The following FKBP9 variants were observed in gnomAD, a reference collection of about 807,000 sequenced individuals.
The protein encoded by FKBP9 is FKBP prolyl isomerase 9, also known as peptidyl-prolyl cis-trans isomerase FKBP9.
FKBP9 carries 27 observed loss-of-function variants against 55.6 expected under a neutral mutation model. The observed-to-expected ratio is 0.49, with a 90% CI of 0.36 to 0.67. The LOEUF (loss-of-function observed/expected upper bound fraction) is 0.67. FKBP9 is among the 30% of genes least tolerant of loss of function. FKBP9 has a pLI of 0.00. For synonymous variants in FKBP9, 267 were observed against 296.5 expected (o/e 0.90, Z 1.02); for missense variants, 539 against 742.8 (o/e 0.73, Z 3.19).
chr7:32,993,619 G>A (rs573479476), intron 6 of FKBP9, among the ~76,000 whole-genome samples: 2 of 152,314 alleles, frequency 1.3e-5, no homozygotes, highest in African/African-American at 2.4e-5. Context: ...GAGGTCAGGA[G>A]TTCAAGATCA....
Position 32,988,514 on chromosome 7 carries a change from C to A in FKBP9, c.901C>A (p.Arg301=), listed in dbSNP as rs184579380. The A allele has an allele frequency of 6.2e-6, 10 of 1,613,904 alleles. No homozygotes were observed. The highest frequency in any genetic ancestry group is 8.5e-6 in the Non-Finnish European group (10 of 1,179,830). The part of the protein sequence containing the change: ...DGTLFDSSYS[R]NRTFDTYIGQ... The stretch of plus-strand genomic sequence containing the variant: ...TCCTTTCTTCTTTTCTAGCTACTCT[C>A]GGAACCGCACGTTTGACACGTACAT... The change falls in exon 6 of 10, where the codon CGG becomes AGG. Residue 301 remains arginine (R), a synonymous_variant. Coordinates refer to ENST00000242209, the MANE Select transcript of FKBP9 (RefSeq NM_007270.5).
intron 1 of FKBP9, among the ~76,000 whole-genome samples, chr7:32,967,641 T>C (rs546107572): frequency 2.0e-5 from 3 of 152,370 alleles, no homozygotes; most frequent in East Asian, 3.9e-4. Flanking sequence ...TCTATGGACA[T>C]TTAGATTGCT....
intron 8 of FKBP9, 114 bp downstream of exon 8, chr7:33,000,374 A>G: frequency 1.4e-6 from 2 of 1,406,884 alleles, no homozygotes; most frequent in Non-Finnish European, 1.9e-6. Context: ...TAATACCCAA[A>G]GAGTGTGTGG....
At chr7:32,964,058 A>T (rs974424194) in intron 1 of FKBP9, among the ~76,000 whole-genome samples, 9 of 152,220 alleles carry the variant, frequency 5.9e-5, no homozygotes, top group African/African-American at 2.2e-4. Flanking sequence ...CCAGGTCAGG[A>T]CATGCTAACT....
chr7:32,967,579 GAAT>G (rs1160866871), intron 1 of FKBP9, among the ~76,000 whole-genome samples: 17 of 152,140 alleles, frequency 1.1e-4, no homozygotes, highest in Non-Finnish European at 1.9e-4. Context: ...TTTTAAGGCG[GAAT>G]AATATTTCAT....
intron 1 of FKBP9, among the ~76,000 whole-genome samples, chr7:32,965,839 ATATATG>A (rs1479404109): frequency 0.017 from 687 of 41,238 alleles, 17 homozygotes; most frequent in Middle Eastern, 0.038. Context: ...ATATATATAT[ATATATG>A]TGTGTACAGA....
At chr7:32,967,982 C>T (rs181704551) in intron 1 of FKBP9, among the ~76,000 whole-genome samples, 22 of 152,228 alleles carry the variant, frequency 1.4e-4, no homozygotes, top group African/African-American at 5.1e-4. Context: ...TTCTAACTCC[C>T]GACCTCAGGT....
chr7:32,978,559 C>T (rs534016323), intron 4 of FKBP9, among the ~76,000 whole-genome samples: 2 of 152,072 alleles, frequency 1.3e-5, no homozygotes, highest in South Asian at 2.1e-4. Context: ...TGTCTCGCTA[C>T]GTTACCCAGG....
chr7:32,965,744 A>T (rs1369718602), intron 1 of FKBP9, among the ~76,000 whole-genome samples: 4 of 137,108 alleles, frequency 2.9e-5, no homozygotes, highest in African/African-American at 1.1e-4. Context: ...GTTGCAGTGA[A>T]CCAAGATTGC....
intron 9 of FKBP9, among the ~76,000 whole-genome samples, chr7:33,004,810 G>A (rs971056982): frequency 3.9e-5 from 6 of 151,976 alleles, no homozygotes; most frequent in African/African-American, 1.4e-4. Context: ...TAGACCATAT[G>A]TTTTGATCAT....
intron 5 of FKBP9, among the ~76,000 whole-genome samples, chr7:32,985,404 C>A (rs1784557758): frequency 1.3e-5 from 2 of 151,756 alleles, no homozygotes; most frequent in Non-Finnish European, 2.9e-5. Context: ...TGGTCACGAA[C>A]TCCTGACCTC....
intron 4 of FKBP9, among the ~76,000 whole-genome samples, chr7:32,977,726 G>A (rs922103595): frequency 1.1e-4 from 16 of 150,542 alleles, no homozygotes; most frequent in Non-Finnish European, 1.9e-4. Context: ...TCTGTGGAGC[G>A]GAGCAGGAGC....
intron 5 of FKBP9, among the ~76,000 whole-genome samples, chr7:32,986,096 AAC>A (rs1429414863): frequency 6.1e-4 from 93 of 152,302 alleles, no homozygotes; most frequent in Non-Finnish European, 1.1e-3. Context: ...ACTTGTCTTT[AAC>A]TTTTATTCAG....
rs1372706749 is a variant in FKBP9 at position 33,005,085 on chromosome 7, C to T, written c.1537-90C>T. The T allele has an allele frequency of 9.2e-6, 14 of 1,528,412 alleles. No homozygotes were observed. In the East Asian group the frequency reaches 2.7e-4, roughly 30 times the overall value. 94.7% of individuals were successfully genotyped at this position (1,528,412 alleles called of 1,614,324 possible). On this transcript the variant is annotated intron_variant, in intron 9 of 9. Coordinates refer to ENST00000242209, the MANE Select transcript of FKBP9 (RefSeq NM_007270.5). Reference sequence around the variant, plus strand: ...GGTAGCCCAGACTCAAGTTCCAGCCCTGTCACCCCCAGACTGCTCTGTTTC... The same window carrying T: ...GGTAGCCCAGACTCAAGTTCCAGCCTTGTCACCCCCAGACTGCTCTGTTTC...
At chr7:32,959,931 C>T (rs1380350410) in intron 1 of FKBP9, among the ~76,000 whole-genome samples, 2 of 151,964 alleles carry the variant, frequency 1.3e-5, no homozygotes, top group Non-Finnish European at 2.9e-5. Flanking sequence ...TGTACCTTTT[C>T]CTTTTTTTGG....
At position 32,974,665 on chromosome 7, in the gene FKBP9, G is replaced by A; in HGVS notation, c.270G>A (p.Leu90=). The stretch of plus-strand genomic sequence containing the variant: ...ATGTGTTTGTGGGAAAAGGACAGCT[G>A]ATCACAGGGATGGACCAGGCTCTTG... ...TFNVFVGKGQ[L]ITGMDQALVG... The change falls in exon 2 of 10, where the codon CTG becomes CTA. Residue 90 remains leucine (L), a synonymous_variant. Transcript: ENST00000242209. 1 of 1,613,886 alleles carries A rather than the reference G, an allele frequency of 6.2e-7. No individual in the cohort carries two copies. Among genetic ancestry groups the A allele is most frequent in the Admixed American group, 1.7e-5 (1 of 60,004 alleles).
intron 7 of FKBP9, among the ~76,000 whole-genome samples, chr7:32,997,647 G>T (rs1057051115): frequency 2.0e-5 from 3 of 152,168 alleles, no homozygotes; most frequent in Admixed American, 2.0e-4. Flanking sequence ...GGCCAACTTG[G>T]TGAAACCCCA....
Position 33,005,384 on chromosome 7 carries a change from C to G in FKBP9, c.*33C>G. 8 of 1,610,102 alleles carry G rather than the reference C, an allele frequency of 5.0e-6. No individual in the cohort carries two copies. The highest frequency in any genetic ancestry group is 6.8e-6 in the Non-Finnish European group (8 of 1,177,274). On this transcript the variant is annotated 3_prime_UTR_variant, in exon 10 of 10. Transcript: ENST00000242209. ...ATGAACCAGATGGTGCCAGGGAGTA[C>G]GTGACACCAAGCCACCTGTGTGGCA...
At chr7:33,001,820 A>G (rs1308012223) in intron 8 of FKBP9, 1 of 152,136 alleles carries the variant, frequency 6.6e-6, no homozygotes, top group East Asian at 1.9e-4. Context: ...AAGTTTTACC[A>G]TTGTATTGTA....
Sources: gnomAD v4.1 joint callset for allele counts (sites outside exome capture counted in the v4.1 genomes callset) on GRCh38, gnomAD v4.1.1 for gene constraint, MANE v1.5 for transcripts, NCBI Gene and HGNC (gene_info 2026-07-23, HGNC 2026-07-21) for gene names.